Variants in TMOD1 observed in about 807,000 individuals in gnomAD.
TMOD1 encodes the protein tropomodulin 1.
A neutral mutation model predicts 40.6 loss-of-function variants in TMOD1; 17 were observed. The ratio of observed to expected loss-of-function variants is 0.42; its 90% CI spans 0.29 to 0.63. TMOD1 has a LOEUF of 0.63. Among genes scored for constraint, TMOD1 ranks in the 20% least tolerant of loss-of-function variants. The pLI, the probability that TMOD1 is intolerant of heterozygous loss-of-function variation, is 0.22. For missense variants in TMOD1, 391 were observed against 447.6 expected, an observed-to-expected ratio of 0.87 and a Z score of 1.14; for synonymous variants, 181 against 175.0, an observed-to-expected ratio of 1.03 and a Z score of -0.27.
chr9:97,505,116 G>T (rs897732146), intron 1 of TMOD1, among the ~76,000 whole-genome samples: 6 of 152,166 alleles, frequency 3.9e-5, no homozygotes, highest in African/African-American at 1.4e-4. Flanking sequence ...CTTAGGACAC[G>T]GTCTGGGAGG....
intron 8 of TMOD1, among the ~76,000 whole-genome samples, chr9:97,581,241 G>A (rs578098747): frequency 5.7e-4 from 78 of 136,854 alleles, no homozygotes; most frequent in African/African-American, 2.0e-3. Flanking sequence ...GAGAATATGC[G>A]GTGTTTGGTT....
At chr9:97,509,154 A>ATCTCTGTTATC (rs1346361563) in intron 1 of TMOD1, among the ~76,000 whole-genome samples, 1 of 152,186 alleles carries the variant, frequency 6.6e-6, no homozygotes, top group East Asian at 1.9e-4. Flanking sequence ...GACAGAGTAA[A>ATCTCTGTTATC]TCTCTGTTGT....
At position 97,581,684 on chromosome 9, in the gene TMOD1, AG is replaced by A. The variant is rs1395780654; in HGVS notation, c.871-9606del. ...GTTTCCTGACTTTTTAATGATCGCC[AG>A]TCTAACTGGTGTGAGATGGTATCTC... On this transcript the variant is annotated intron_variant, in intron 8 of 9. Transcript: ENST00000259365. 2.7e-5 allele frequency among the ~76,000 whole-genome samples: 4 copies of A among 149,760 alleles called. 1 individual carries two copies. The highest frequency in any genetic ancestry group is 4.4e-4 in the East Asian group (2 of 4,510).
intron 1 of TMOD1, among the ~76,000 whole-genome samples, chr9:97,507,881 A>G (rs1044915477): frequency 1.3e-5 from 2 of 152,144 alleles, no homozygotes; most frequent in African/African-American, 4.8e-5. Flanking sequence ...TCCTCAGTAT[A>G]TTGTCAAGAC....
intron 8 of TMOD1, among the ~76,000 whole-genome samples, chr9:97,587,551 C>T (rs930085468): frequency 1.4e-5 from 2 of 141,124 alleles, no homozygotes; most frequent in African/African-American, 2.6e-5. Flanking sequence ...ATCCTTTCCC[C>T]GTTTTCTAAT....
intron 8 of TMOD1, among the ~76,000 whole-genome samples, chr9:97,578,069 T>G (rs1445078750): frequency 6.6e-6 from 1 of 152,028 alleles, no homozygotes; most frequent in Non-Finnish European, 1.5e-5. Context: ...GACATCTCTT[T>G]TTTTGGAGAC....
chr9:97,555,978 G>A (rs1030361303), intron 4 of TMOD1, among the ~76,000 whole-genome samples: 1 of 152,172 alleles, frequency 6.6e-6, no homozygotes, highest in Non-Finnish European at 1.5e-5. Context: ...GGCTGGAGAA[G>A]TTGGCTGGGG....
At chr9:97,569,476 C>G (rs1263011087) in intron 8 of TMOD1, among the ~76,000 whole-genome samples, 1 of 152,194 alleles carries the variant, frequency 6.6e-6, no homozygotes, top group Non-Finnish European at 1.5e-5. Flanking sequence ...TTCATTCACC[C>G]CCATTCAATG....
At chr9:97,578,827 C>T (rs886510536) in intron 8 of TMOD1, among the ~76,000 whole-genome samples, 1 of 152,216 alleles carries the variant, frequency 6.6e-6, no homozygotes, top group Admixed American at 6.5e-5. Flanking sequence ...GTAGCCCCTT[C>T]ACTCAGGGGA....
intron 3 of TMOD1, among the ~76,000 whole-genome samples, chr9:97,547,103 A>G (rs1420745956): frequency 6.6e-6 from 1 of 151,844 alleles, no homozygotes; most frequent in East Asian, 1.9e-4. Flanking sequence ...CTGTCCCATT[A>G]TACTCTCTGC....
In TMOD1 at chr9:97,572,886, C is replaced by T. The variant is rs555355542; in HGVS notation, c.870+3849C>T. Among the ~76,000 whole-genome samples, 6 of 152,300 alleles carry T rather than the reference C, an allele frequency of 3.9e-5. No individual in the cohort carries two copies. In the South Asian group the frequency reaches 1.2e-3, roughly 32 times the overall value. On this transcript the variant is annotated intron_variant, in intron 8 of 9. Transcript: ENST00000259365. ...CTCAAATAGTCTCTCTATCTCCAAG[C>T]AATGTTCTGTTGCCACCTGTGGTTG...
chr9:97,577,333 T>G (rs1177115094), intron 8 of TMOD1, among the ~76,000 whole-genome samples: 3 of 152,220 alleles, frequency 2.0e-5, no homozygotes, highest in Admixed American at 6.5e-5. Context: ...GTCCTACTTC[T>G]GCCTTCTGGT....
chr9:97,558,074 T>TC (rs1830561545), intron 4 of TMOD1, among the ~76,000 whole-genome samples: 1 of 152,220 alleles, frequency 6.6e-6, no homozygotes, highest in Admixed American at 6.5e-5. Flanking sequence ...CCCCAGGCAT[T>TC]CTGCCCATCA....
In TMOD1 at chr9:97,557,273, C is replaced by T. The variant is rs556880711; in HGVS notation, c.397+3873C>T. On this transcript the variant is annotated intron_variant, in intron 4 of 9. Transcript: ENST00000259365. The surrounding 1 kb of genome is among the most constrained non-coding windows in gnomAD (Gnocchi z 4.4). The stretch of plus-strand genomic sequence containing the variant: ...CAGGGCTAAGTTCTTGGCGCATAGC[C>T]TACAGGGTTGTAGGTCAGAGGCTGC... Among the ~76,000 whole-genome samples, 345 of 152,302 alleles carry T rather than the reference C, an allele frequency of 2.3e-3. 2 individuals carry two copies. The highest frequency in any genetic ancestry group is 7.8e-3 in the African/African-American group (325 of 41,562).
chr9:97,505,870 G>A (rs1042457303), intron 1 of TMOD1, among the ~76,000 whole-genome samples: 1 of 152,122 alleles, frequency 6.6e-6, no homozygotes, highest in Admixed American at 6.6e-5. Flanking sequence ...GCCTCTTAAA[G>A]GTATTTCTGC....
intron 4 of TMOD1, among the ~76,000 whole-genome samples, chr9:97,556,317 C>T (rs142666610): frequency 6.6e-6 from 1 of 152,174 alleles, no homozygotes; most frequent in Non-Finnish European, 1.5e-5. Context: ...AGTGCTCTGC[C>T]GAGAGCTGAC....
At chr9:97,553,949 C>G (rs7855115) in intron 4 of TMOD1, among the ~76,000 whole-genome samples, 4 of 152,248 alleles carry the variant, frequency 2.6e-5, no homozygotes, top group African/African-American at 7.2e-5. Flanking sequence ...AGAAGGTGGC[C>G]TGATATTCAG....
chr9:97,568,661 C>T (rs1043001982), intron 7 of TMOD1, among the ~76,000 whole-genome samples: 1 of 152,138 alleles, frequency 6.6e-6, no homozygotes, highest in African/African-American at 2.4e-5. Flanking sequence ...GGGGAGTAGA[C>T]CCAGGTCATA....
intron 2 of TMOD1, among the ~76,000 whole-genome samples, chr9:97,541,187 ATTTATT>A (rs1156733341): frequency 1.3e-5 from 2 of 151,910 alleles, no homozygotes; most frequent in Non-Finnish European, 2.9e-5. Flanking sequence ...TAAAAAATTT[ATTTATT>A]TTTATTTTTA....
Sources: gnomAD v4.1 joint callset for allele counts (sites outside exome capture counted in the v4.1 genomes callset) on GRCh38, gnomAD v4.1.1 for gene constraint, Gnocchi (gnomAD v3.1) non-coding constraint, MANE v1.5 for transcripts, NCBI Gene and HGNC (gene_info 2026-07-23, HGNC 2026-07-21) for gene names.